MUC4: variants seen among roughly 807,000 people sequenced by gnomAD.
The protein encoded by MUC4 is mucin 4, cell surface associated, also known as mucin-4.
In MUC4, 202 loss-of-function variants were observed where a neutral mutation model predicts 257.9. The observed-to-expected ratio is 0.78, with a 90% CI of 0.70 to 0.88. MUC4 has a LOEUF of 0.88. Ranked by LOEUF, MUC4 falls within the 40% of genes least tolerant of loss-of-function variation. The probability of loss-of-function intolerance (pLI) is 0.00; values close to 1 mark genes in which losing one functional copy is unlikely to be tolerated. For synonymous variants in MUC4, 2,351 were observed against 2,757.1 expected (o/e 0.85, Z 4.62); for missense variants, 5,976 against 6,513.7 (o/e 0.92, Z 2.84).
chr3:195,770,286 T>C lies in MUC4; in HGVS notation c.13328A>G (p.Tyr4443Cys). The C allele has an allele frequency of 6.2e-7, 1 of 1,614,094 alleles. No homozygotes were observed. The highest frequency in any genetic ancestry group is 8.5e-7 in the Non-Finnish European group (1 of 1,179,980). Residue 4443 changes from tyrosine (Y) to cysteine (C), a missense_variant, in exon 6 of 25, where the codon TAC (tyrosine) becomes TGC (cysteine). Transcript: ENST00000463781. Reference protein sequence around the residue: ...WIRKMTNNGGYKARWALKVTW... With the variant: ...WIRKMTNNGGCKARWALKVTW... ...GACCTTTAGGGCCCACCTGGCCTTG[T>C]AGCCCCCGTTGTTTGTCATCTTTCT...
In MUC4 at chr3:195,791,318, C is replaced by CT. The variant is rs753750030; in HGVS notation, c.261dup (p.Ala88SerfsTer31). The CT allele has an allele frequency of 6.2e-7, 1 of 1,613,216 alleles. No homozygotes were observed. The highest frequency in any genetic ancestry group is 1.1e-5 in the South Asian group (1 of 90,998). On this transcript the variant is annotated frameshift_variant, in exon 2 of 25. Coordinates refer to ENST00000463781, the MANE Select transcript of MUC4 (RefSeq NM_018406.7). LOFTEE classifies it high-confidence loss of function. ...ATCTGCGTGAGGGTGTCGGTTTGAG[C>CT]TTTGCTGGTGGTCTCCGTGCTCTTA...
In MUC4 at chr3:195,790,165, G is replaced by C. The variant is rs1483905601; in HGVS notation, c.1415C>G (p.Ser472Cys). Residue 472 changes from serine (S) to cysteine (C), a missense_variant, in exon 2 of 25, where the codon TCT becomes TGT. This residue lies in a region of MUC4 where 1,583 missense variants were observed against 1,257.4 expected (regional missense o/e 1.26). Coordinates refer to ENST00000463781, the MANE Select transcript of MUC4 (RefSeq NM_018406.7). ...AAATATTTCTTGAGACACACCTGGA[G>C]AGAATGAGCTCCTCTCATGAGGCCG... ...TGRPHERSSF[S>C]PGVSQEIFTL... 6.2e-7 allele frequency: 1 copy of C among 1,613,924 alleles called. No homozygotes were observed. Among genetic ancestry groups the C allele is most frequent in the Non-Finnish European group, 8.5e-7 (1 of 1,179,914 alleles).
rs759653732 is a variant in MUC4 at position 195,778,342 on chromosome 3, G to T, written c.12904C>A (p.Arg4302Ser). Residue 4302 changes from arginine to serine, a missense_variant, in exon 3 of 25, where the codon CGC (arginine) becomes AGC (serine). Physicochemically the swap from Arg to Ser is moderately radical, Grantham distance 110. Coordinates refer to ENST00000463781, the MANE Select transcript of MUC4 (RefSeq NM_018406.7). Reference sequence around the variant, plus strand: ...ATGGGGATGGGGGCAGCTGTGGAGCGGGTGTGCATGGCAGTGCTGGGAATG... The same window carrying T: ...ATGGGGATGGGGGCAGCTGTGGAGCTGGTGTGCATGGCAGTGCTGGGAATG... ...STIPSTAMHT[R>S]STAAPIPILP... 1.2e-6 allele frequency: 2 copies of T among 1,612,680 alleles called. No homozygotes were observed. The highest frequency in any genetic ancestry group is 1.1e-5 in the South Asian group (1 of 91,018).
At chr3:195,747,758 G>A (rs1466623591) in intron 24 of MUC4, among the ~76,000 whole-genome samples, 4 of 152,396 alleles carry the variant, frequency 2.6e-5, no homozygotes, top group Non-Finnish European at 4.4e-5. Flanking sequence ...CAGCTACTCA[G>A]GAGGCTGAGG....
Position 195,811,721 on chromosome 3 carries a change from G to A in MUC4, c.82+15C>T. The A allele has an allele frequency of 6.2e-7, 1 of 1,613,068 alleles. No homozygotes were observed. Reference sequence around the variant, plus strand: ...CTCCCCGCAGCCAGCCTCATCTGCTGTCTCCATCACTTACCTGGGACCACA... The same window carrying A: ...CTCCCCGCAGCCAGCCTCATCTGCTATCTCCATCACTTACCTGGGACCACA... On this transcript the variant is annotated intron_variant, in intron 1 of 24. Coordinates refer to ENST00000463781, the MANE Select transcript of MUC4 (RefSeq NM_018406.7).
intron 19 of MUC4, 173 bp downstream of exon 19, chr3:195,754,040 A>G: frequency 1.1e-6 from 1 of 875,150 alleles, no homozygotes; most frequent in Non-Finnish European, 1.7e-6. Flanking sequence ...TAGATTTCCC[A>G]TACCTGCCTA....
At chr3:195,752,303 C>T (rs1716598323) in intron 21 of MUC4, 70 bp downstream of exon 21, 6 of 1,363,098 alleles carry the variant, frequency 4.4e-6, no homozygotes, top group Middle Eastern at 2.0e-4. Context: ...GGCCGCACAG[C>T]GATGGTTCCG....
At position 195,779,395 on chromosome 3, in the gene MUC4, GCGTGACC is replaced by G. The variant is rs1726089516; in HGVS notation, c.12178_12184del (p.Gly4060ProfsTer197). 8.0e-7 allele frequency: 1 copy of G among 1,250,104 alleles called. No homozygotes were observed. The highest frequency in any genetic ancestry group is 2.0e-5 in the African/African-American group (1 of 49,658). The allele number at this position is 1,250,104 out of a possible 1,614,324, so 77.4% of individuals were successfully genotyped here. On this transcript the variant is annotated frameshift_variant, in exon 2 of 25. Transcript: ENST00000463781. LOFTEE classifies it high-confidence loss of function. ...AGGGCTGGTGACATGAAGAGGGGTG[GCGTGACC>G]TGTGGATAATGAGGAAGCATTGGTG...
In MUC4 at chr3:195,810,891, C is replaced by T. The variant is rs936291517; in HGVS notation, c.82+845G>A. Among the ~76,000 whole-genome samples, 1 of 152,116 alleles carries T rather than the reference C, an allele frequency of 6.6e-6. No homozygotes were observed. The highest frequency in any genetic ancestry group is 2.4e-5 in the African/African-American group (1 of 41,418). ...TCCCCTCTACCCCCAGCTCTGTACA[C>T]AAGGGTGTACATCTTTCTCCTTGAC... On this transcript the variant is annotated intron_variant, in intron 1 of 24. Coordinates refer to ENST00000463781, the MANE Select transcript of MUC4 (RefSeq NM_018406.7). This position sits in a 1 kb window ranked among gnomAD's most constrained non-coding sequence, Gnocchi z 4.2.
intron 1 of MUC4, 56 bp downstream of exon 1, chr3:195,811,680 C>T: frequency 6.5e-7 from 1 of 1,540,368 alleles, no homozygotes. Context: ...CTGACAGCTC[C>T]CACCTCCCCC....
At chr3:195,764,344 G>A (rs1321679945) in intron 10 of MUC4, among the ~76,000 whole-genome samples, 180 bp from the exon 11 acceptor site, 1 of 147,952 alleles carries the variant, frequency 6.8e-6, no homozygotes. Context: ...GCTTGGTAGG[G>A]CAGGGCGGTG....
rs947602045 is a variant in MUC4, at chr3:195,755,591, C to T, written c.15169-1219G>A. 4.0e-5 allele frequency among the ~76,000 whole-genome samples: 6 copies of T among 151,854 alleles called. No individual in the cohort carries two copies. Among genetic ancestry groups the T allele is most frequent in the South Asian group, 2.1e-4 (1 of 4,732 alleles). On this transcript the variant is annotated intron_variant, in intron 18 of 24. Coordinates refer to ENST00000463781, the MANE Select transcript of MUC4 (RefSeq NM_018406.7). The surrounding 1 kb of genome is among the most constrained non-coding windows in gnomAD (Gnocchi z 5.0). ...CAGTACAGCAGCTCAGCAAAGGCTG[C>T]GGCGCCGAGACCTCACCAAGCTCCC...
rs553342564 is a variant in MUC4 at position 195,780,677 on chromosome 3, C to G, written c.10903G>C (p.Val3635Leu). ...GTGGATACTGAGGAAAGGCTGGTGA[C>G]AGGAAGAGGGGTGGCCTGACCTGTG... is the stretch of plus-strand genomic sequence containing the variant. ...ASTGQATPLP[V>L]TSLSSVSTGD... The change falls in exon 2 of 25, where the codon GTC (valine) becomes CTC (leucine). Residue 3635 changes from valine (V) to leucine (L), a missense_variant. This residue lies in a region of MUC4 where 59 missense variants were observed against 149.8 expected (regional missense o/e 0.39). Coordinates refer to ENST00000463781, the MANE Select transcript of MUC4 (RefSeq NM_018406.7). The G allele has an allele frequency of 5.3e-6, 8 of 1,519,420 alleles. 1 individual carries two copies. In the Admixed American group the frequency reaches 1.5e-4, roughly 28 times the overall value. The allele number at this position is 1,519,420 out of a possible 1,614,324, so 94.1% of individuals were successfully genotyped here. A position where few individuals can be genotyped will look rare whatever the true frequency, so the allele number is the denominator to read the frequency against.
At chr3:195,772,362 GGT>G (rs1723109331) in intron 4 of MUC4, among the ~76,000 whole-genome samples, 1 of 142,900 alleles carries the variant, frequency 7.0e-6, no homozygotes, top group Admixed American at 7.0e-5. Context: ...ATCGCTCAGG[GGT>G]GTAGACACCC....
intron 24 of MUC4, 38 bp from the exon 25 acceptor site, chr3:195,747,418 G>A (rs745328218): frequency 6.2e-7 from 1 of 1,601,162 alleles, no homozygotes; most frequent in Admixed American, 1.7e-5. Flanking sequence ...GTCAGAGGCG[G>A]GAGCTCAGCC....
Position 195,783,202 on chromosome 3 carries a change from G to T in MUC4, c.8378C>A (p.Ala2793Glu). ...AAGAGGGGTGGTGTGACCTGTGGAT[G>T]CTGAGGAAGGGCTGGTGACATGAAG... ...TPLHVTSPSS[A>E]STGHTTPLPV... Residue 2793 changes from alanine to glutamate, a missense_variant, in exon 2 of 25, where the codon GCA becomes GAA. Around this residue, in one of 44 missense-constraint regions of MUC4, gnomAD observed 228 missense variants for 206.3 expected, o/e 1.11. Transcript: ENST00000463781. 1 of 1,332,166 alleles carries T rather than the reference G, an allele frequency of 7.5e-7. No individual in the cohort carries two copies. The highest frequency in any genetic ancestry group is 1.0e-6 in the Non-Finnish European group (1 of 969,024). 82.5% of individuals were successfully genotyped at this position (1,332,166 alleles called of 1,614,324 possible).
At position 195,782,231 on chromosome 3, in the gene MUC4, G is replaced by A. The variant is rs199531700; in HGVS notation, c.9349C>T (p.His3117Tyr). 4.2e-6 allele frequency: 6 copies of A among 1,426,142 alleles called. No individual in the cohort carries two copies. The East Asian group carries it at 1.5e-4, about 37-fold the overall frequency. The allele number at this position is 1,426,142 out of a possible 1,614,324, so 88.3% of individuals were successfully genotyped here. A position where few individuals can be genotyped will look rare whatever the true frequency, so the allele number is the denominator to read the frequency against. The change falls in exon 2 of 25, where the codon CAC (histidine) becomes TAC (tyrosine). Residue 3117 changes from histidine (H) to tyrosine (Y), a missense_variant. His to Tyr is a moderately conservative substitution (Grantham distance 83). Coordinates refer to ENST00000463781, the MANE Select transcript of MUC4 (RefSeq NM_018406.7). ...VTSPSSASTG[H>Y]TTPLPVTDTS... is the part of the protein sequence containing the mutation. Reference sequence around the variant, plus strand: ...TCGGTGACAGGAAGAGGGGTGGTGTGACCTGTGGATGCTGAGGAAGGGCTA... The same window carrying A: ...TCGGTGACAGGAAGAGGGGTGGTGTAACCTGTGGATGCTGAGGAAGGGCTA...
chr3:195,808,497 G>A (rs979481114), intron 1 of MUC4, among the ~76,000 whole-genome samples: 4 of 152,238 alleles, frequency 2.6e-5, no homozygotes, highest in Admixed American at 2.6e-4. Flanking sequence ...GAGCCACCGC[G>A]CCCGGCCCTT....
chr3:195,795,626 G>A (rs1052434211), intron 1 of MUC4, among the ~76,000 whole-genome samples: 1 of 151,936 alleles, frequency 6.6e-6, no homozygotes, highest in Non-Finnish European at 1.5e-5. Context: ...CAAGACCCTC[G>A]GTCACGACAC....
Sources: gnomAD v4.1 joint callset for allele counts (sites outside exome capture counted in the v4.1 genomes callset) on GRCh38, gnomAD v4.1.1 for gene constraint, gnomAD v4.1.1 regional missense constraint, Gnocchi (gnomAD v3.1) non-coding constraint, MANE v1.5 for transcripts, NCBI Gene and HGNC (gene_info 2026-07-23, HGNC 2026-07-21) for gene names.